Variants in PHIP observed in about 807,000 individuals in gnomAD.
PHIP encodes PH-interacting protein.
In PHIP, 54 loss-of-function variants were observed where a neutral mutation model predicts 236.8. The observed-to-expected ratio is 0.23, with a 90% CI of 0.18 to 0.29. The LOEUF (loss-of-function observed/expected upper bound fraction) is 0.29, where lower values mean the gene tolerates loss of function less well. Ranked by LOEUF, PHIP falls within the 10% of genes least tolerant of loss-of-function variation. PHIP has a pLI of 1.00. For missense variants in PHIP, 1,370 were observed against 2,190.8 expected (o/e 0.63, Z 7.48); for synonymous variants, 756 against 718.9 (o/e 1.05, Z -0.83).
intron 16 of PHIP, 125 bp downstream of exon 16, chr6:79,003,604 AC>A: frequency 4.9e-6 from 3 of 616,338 alleles, no homozygotes; most frequent in Non-Finnish European, 7.8e-6. Context: ...AGACTACTTA[AC>A]ACAAGATTCT....
intron 6 of PHIP, among the ~76,000 whole-genome samples, chr6:79,059,612 T>TATA: frequency 9.1e-6 from 1 of 110,190 alleles, no homozygotes; most frequent in Non-Finnish European, 2.0e-5. Flanking sequence ...TATATATATA[T>TATA]ATATATATAT....
rs1172950036 is a variant in PHIP at position 79,078,051 on chromosome 6, T to C, written c.18A>G (p.Lys6=). ...TACCCGATCGCAGCTCCGAGAGGCC[T>C]TTCCTCTCACAAGACATGTTTATGG... MSCER[K]GLSELRSELY... The change falls in exon 1 of 40, where the codon AAA becomes AAG. Residue 6 remains lysine (K), a synonymous_variant. Coordinates refer to ENST00000275034, the MANE Select transcript of PHIP (RefSeq NM_017934.7). 1.9e-6 allele frequency: 3 copies of C among 1,608,772 alleles called. No homozygotes were observed. The highest frequency in any genetic ancestry group is 2.5e-6 in the Non-Finnish European group (3 of 1,179,300).
chr6:79,061,028 A>T (rs767378644), intron 4 of PHIP, among the ~76,000 whole-genome samples: 17 of 152,236 alleles, frequency 1.1e-4, no homozygotes, highest in Non-Finnish European at 2.2e-4. Context: ...TGAATTTCAT[A>T]ATTTACCAAA....
chr6:78,990,339 C>T (rs147969652), intron 20 of PHIP, among the ~76,000 whole-genome samples: 2,035 of 152,218 alleles, frequency 0.013, 20 homozygotes, highest in Middle Eastern at 0.027. Context: ...CTCAATTAGG[C>T]CATGACCAAT....
chr6:79,015,410 TG>T (rs1411412717), intron 14 of PHIP, among the ~76,000 whole-genome samples, 194 bp from the exon 15 acceptor site: 1 of 151,760 alleles, frequency 6.6e-6, no homozygotes, highest in Non-Finnish European at 1.5e-5. Flanking sequence ...GCTTGGTGGA[TG>T]GATCTTTTCA....
rs1260936261 is a variant in PHIP, at chr6:79,077,454, C to G, written c.183G>C (p.Gln61His). 6.2e-7 allele frequency: 1 copy of G among 1,602,558 alleles called. No homozygotes were observed. Among genetic ancestry groups the G allele is most frequent in the East Asian group, 2.3e-5 (1 of 43,582 alleles). Residue 61 changes from glutamine to histidine, a missense_variant, in exon 4 of 40, where the codon CAG becomes CAC. Coordinates refer to ENST00000275034, the MANE Select transcript of PHIP (RefSeq NM_017934.7). ...TGCGACGTGAATGTCTCACCAGATTCTGGTAGGTCCTGGGATGCTCCTTCC... is the reference window on the plus strand; with the variant it reads ...TGCGACGTGAATGTCTCACCAGATTGTGGTAGGTCCTGGGATGCTCCTTCC... Reference protein sequence around the residue: ...WTGKEHPRTYQNLVKYYRHLA... With the variant: ...WTGKEHPRTYHNLVKYYRHLA...
At position 79,019,168 on chromosome 6, in the gene PHIP, C is replaced by A. The variant is rs1562183707; in HGVS notation, c.924-9G>T. The A allele has an allele frequency of 2.5e-6, 4 of 1,597,648 alleles. No homozygotes were observed. The highest frequency in any genetic ancestry group is 3.4e-6 in the Non-Finnish European group (4 of 1,166,592). ...ATTTTGCAGGTCTTGGGCTGTAATA[C>A]AAAAAATAAAGAATTAAAAATATCC... On this transcript the variant is annotated splice_polypyrimidine_tract_variant and intron_variant, in intron 9 of 39. Transcript: ENST00000275034.
chr6:79,004,414 C>T (rs1233635121), intron 15 of PHIP: 4 of 985,038 alleles, frequency 4.1e-6, no homozygotes, highest in South Asian at 4.7e-5. Flanking sequence ...TAATCCAGAA[C>T]GAATGGGTTT....
chr6:78,947,477 G>T lies in PHIP; in HGVS notation c.4206+146C>A, dbSNP rs926045799. On this transcript the variant is annotated intron_variant, in intron 36 of 39. Coordinates refer to ENST00000275034, the MANE Select transcript of PHIP (RefSeq NM_017934.7). ...TTCATACAAGGAGCTGAGTAGAAAG[G>T]TATAATTTCTTTTTCCAGTAGGACA... is the stretch of plus-strand genomic sequence containing the variant. 3.0e-5 allele frequency: 16 copies of T among 534,940 alleles called. No homozygotes were observed. The African/African-American group carries it at 3.1e-4, about 10-fold the overall frequency. The allele number at this position is 534,940 out of a possible 1,614,324, so 33.1% of individuals were successfully genotyped here. A position where few individuals can be genotyped will look rare whatever the true frequency, so the allele number is the denominator to read the frequency against.
rs1024076309 is a variant in PHIP at position 78,939,805 on chromosome 6, G to C, written c.*888C>G. The C allele has an allele frequency of 2.6e-5, 4 of 152,342 alleles. No individual in the cohort carries two copies. The highest frequency in any genetic ancestry group is 2.0e-4 in the Admixed American group (3 of 15,260). The allele number at this position is 152,342 out of a possible 1,614,324, so 9.4% of individuals were successfully genotyped here. On this transcript the variant is annotated 3_prime_UTR_variant, in exon 40 of 40. Transcript: ENST00000275034. ...TTTCCTCTAGAACATCTCTGTCAAAGGACCCACCAGTGCATTATTTTCTAT... is the reference window on the plus strand; with the variant it reads ...TTTCCTCTAGAACATCTCTGTCAAACGACCCACCAGTGCATTATTTTCTAT...
chr6:78,950,931 G>A (rs1462570957), intron 35 of PHIP, among the ~76,000 whole-genome samples: 6 of 151,986 alleles, frequency 3.9e-5, no homozygotes, highest in South Asian at 2.1e-4. Context: ...AGTGAGCTTC[G>A]ATTATTGATT....
At chr6:79,059,065 G>T (rs150501022) in intron 6 of PHIP, among the ~76,000 whole-genome samples, 5 of 152,004 alleles carry the variant, frequency 3.3e-5, no homozygotes, top group African/African-American at 1.2e-4. Context: ...ACAATCTTAT[G>T]TTTTAAAAAA....
intron 6 of PHIP, among the ~76,000 whole-genome samples, chr6:79,057,301 G>T (rs1773124461): frequency 6.6e-5 from 10 of 152,052 alleles, no homozygotes; most frequent in Admixed American, 6.6e-4. Flanking sequence ...CCTGGAATAA[G>T]AAAACGTAAT....
At position 78,970,857 on chromosome 6, in the gene PHIP, T is replaced by A. The variant is rs1381080974; in HGVS notation, c.2921A>T (p.Tyr974Phe). Reference protein sequence around the residue: ...VYYFRQGHEAYVEMARKNKIY... With the variant: ...VYYFRQGHEAFVEMARKNKIY... ...TTTATTTTTCCGGGCCATTTCGACA[T>A]AGGCTTCATGTCCTTGTCGGAAATA... Residue 974 changes from tyrosine to phenylalanine, a missense_variant, in exon 25 of 40, where the codon TAT becomes TTT. By Grantham distance (22) the Tyr-to-Phe change is conservative. This residue lies in a region of PHIP where 238 missense variants were observed against 398.5 expected (regional missense o/e 0.60). Transcript: ENST00000275034. 6.2e-7 allele frequency: 1 copy of A among 1,610,554 alleles called. No individual in the cohort carries two copies. The highest frequency in any genetic ancestry group is 8.5e-7 in the Non-Finnish European group (1 of 1,178,208).
intron 4 of PHIP, among the ~76,000 whole-genome samples, chr6:79,069,680 T>C (rs149081798): frequency 4.6e-5 from 7 of 152,094 alleles, no homozygotes; most frequent in African/African-American, 1.7e-4. Context: ...AAAAACTTAA[T>C]AGAACCCATA....
At chr6:79,056,581 G>A (rs1773085958) in intron 6 of PHIP, among the ~76,000 whole-genome samples, 1 of 152,088 alleles carries the variant, frequency 6.6e-6, no homozygotes, top group Non-Finnish European at 1.5e-5. Flanking sequence ...TTTAAATTGT[G>A]ACAAGGGGGT....
intron 7 of PHIP, among the ~76,000 whole-genome samples, chr6:79,028,246 G>T (rs572157422): frequency 6.6e-6 from 1 of 152,032 alleles, no homozygotes. Context: ...GTGTAATGAG[G>T]GTCACTGAAG....
intron 21 of PHIP, among the ~76,000 whole-genome samples, chr6:78,986,277 T>C (rs1458529684): frequency 6.6e-6 from 1 of 152,176 alleles, no homozygotes; most frequent in African/African-American, 2.4e-5. Context: ...TATTCATGAG[T>C]AAACAAAGAA....
At chr6:78,977,984 T>C (rs1441209512) in intron 24 of PHIP, among the ~76,000 whole-genome samples, 2 of 152,164 alleles carry the variant, frequency 1.3e-5, no homozygotes, top group Non-Finnish European at 2.9e-5. Context: ...CAGATAACAC[T>C]GCCTCTTAAA....
Sources: gnomAD v4.1 joint callset for allele counts (sites outside exome capture counted in the v4.1 genomes callset) on GRCh38, gnomAD v4.1.1 for gene constraint, gnomAD v4.1.1 regional missense constraint, MANE v1.5 for transcripts, NCBI Gene and HGNC (gene_info 2026-07-23, HGNC 2026-07-21) for gene names.